Variants in GRB10 observed in about 807,000 individuals in gnomAD.
The protein encoded by GRB10 is growth factor receptor-bound protein 10.
A neutral mutation model predicts 80.9 loss-of-function variants in GRB10; 20 were observed. That is an observed-to-expected ratio of 0.25 (90% CI 0.17 to 0.36). The LOEUF is 0.36. Among genes scored for constraint, GRB10 ranks in the 10% least tolerant of loss-of-function variants. The pLI, the probability that GRB10 is intolerant of heterozygous loss-of-function variation, is 1.00. For missense variants in GRB10, 548 were observed against 747.7 expected, an observed-to-expected ratio of 0.73 and a Z score of 3.12; for synonymous variants, 291 against 291.5, an observed-to-expected ratio of 1.00 and a Z score of 0.02.
intron 5 of GRB10, 99 bp from the exon 6 acceptor site, chr7:50,674,757 T>G: frequency 1.0e-6 from 1 of 987,760 alleles, no homozygotes; most frequent in East Asian, 2.5e-5. Flanking sequence ...ACCTCAATCC[T>G]ATTTTTCAAA....
At chr7:50,767,594 C>T (rs1421336887) in intron 2 of GRB10, among the ~76,000 whole-genome samples, 1 of 152,190 alleles carries the variant, frequency 6.6e-6, no homozygotes, top group Non-Finnish European at 1.5e-5. Flanking sequence ...CACAGTATGG[C>T]AGCCCCCATG....
At chr7:50,695,616 T>C (rs973232865) in intron 5 of GRB10, among the ~76,000 whole-genome samples, 3 of 152,196 alleles carry the variant, frequency 2.0e-5, no homozygotes, top group Non-Finnish European at 2.9e-5. Context: ...TGAGTTCTAA[T>C]GGCTCCTTTT....
intron 2 of GRB10, among the ~76,000 whole-genome samples, chr7:50,774,493 T>C (rs898151768): frequency 6.6e-6 from 1 of 152,202 alleles, no homozygotes; most frequent in Admixed American, 6.5e-5. Flanking sequence ...TGCCCTCACA[T>C]GGCAGAATGC....
At chr7:50,718,218 G>A (rs1382677395) in intron 4 of GRB10, among the ~76,000 whole-genome samples, 17 of 152,234 alleles carry the variant, frequency 1.1e-4, no homozygotes, top group Non-Finnish European at 2.5e-4. Flanking sequence ...GTTCAAGGGA[G>A]AATTAACAGA....
chr7:50,749,404 C>G (rs549115775), intron 3 of GRB10, among the ~76,000 whole-genome samples: 1 of 152,214 alleles, frequency 6.6e-6, no homozygotes, highest in African/African-American at 2.4e-5. Flanking sequence ...GCTGGGATTA[C>G]AGGCATGAGC....
intron 2 of GRB10, among the ~76,000 whole-genome samples, chr7:50,780,154 A>C (rs1324975742): frequency 6.6e-6 from 1 of 152,200 alleles, no homozygotes; most frequent in Non-Finnish European, 1.5e-5. Context: ...ACAAATCAGA[A>C]TAAACCGTCA....
At chr7:50,760,194 T>G in intron 2 of GRB10, among the ~76,000 whole-genome samples, 1 of 152,132 alleles carries the variant, frequency 6.6e-6, no homozygotes, top group Non-Finnish European at 1.5e-5. Flanking sequence ...AGCAGAGCGG[T>G]GAGAGGCAGG....
rs76512901 is a variant in GRB10, at chr7:50,669,354, C to T, written c.504+368G>A. On this transcript the variant is annotated intron_variant, in intron 7 of 18. Transcript: ENST00000401949. ...GAAGGCAAAGCAGGAACTGGCGTCT[C>T]GCACAGCAGGAGTGGGAGCAAGGGG... is the stretch of plus-strand genomic sequence containing the variant. Among the ~76,000 whole-genome samples the T allele has an allele frequency of 2.2e-3, 328 of 152,270 alleles. 1 individual carries two copies. The highest frequency in any genetic ancestry group is 7.5e-3 in the African/African-American group (313 of 41,554).
intron 4 of GRB10, among the ~76,000 whole-genome samples, chr7:50,714,540 G>A (rs2153679592): frequency 6.6e-6 from 1 of 152,204 alleles, no homozygotes; most frequent in Admixed American, 6.5e-5. Context: ...GCGGGCGCCT[G>A]TAGTCCCAGC....
intron 4 of GRB10, among the ~76,000 whole-genome samples, chr7:50,704,913 G>A (rs17133982): frequency 0.01 from 1,569 of 152,162 alleles, 26 homozygotes; most frequent in African/African-American, 0.034. Context: ...TCTGGGTCTC[G>A]AACTACAGAG....
intron 3 of GRB10, among the ~76,000 whole-genome samples, chr7:50,742,881 T>C (rs1373614739): frequency 6.6e-6 from 1 of 152,128 alleles, no homozygotes; most frequent in Non-Finnish European, 1.5e-5. Flanking sequence ...TGAAGAATCA[T>C]ATCTCACTTC....
At chr7:50,707,708 A>AC (rs2065235681) in intron 4 of GRB10, among the ~76,000 whole-genome samples, 1 of 152,314 alleles carries the variant, frequency 6.6e-6, no homozygotes, top group Admixed American at 6.5e-5. Flanking sequence ...AAGACATGCT[A>AC]CCCCACGTAT....
At chr7:50,674,750 T>C (rs2060739026) in intron 5 of GRB10, 92 bp from the exon 6 acceptor site, 3 of 1,045,806 alleles carry the variant, frequency 2.9e-6, no homozygotes, top group Non-Finnish European at 4.3e-6. Context: ...GTTCCAAACC[T>C]CAATCCTATT....
At chr7:50,743,440 C>T (rs1034059567) in intron 3 of GRB10, among the ~76,000 whole-genome samples, 1 of 152,218 alleles carries the variant, frequency 6.6e-6, no homozygotes, top group Non-Finnish European at 1.5e-5. Flanking sequence ...GGTCAGATCA[C>T]GCAGTGCTGC....
At chr7:50,608,029 G>A (rs986653084) in intron 13 of GRB10, among the ~76,000 whole-genome samples, 3 of 152,138 alleles carry the variant, frequency 2.0e-5, no homozygotes, top group Admixed American at 6.6e-5. Flanking sequence ...ATACAGGAAC[G>A]ACTGCACTCC....
intron 7 of GRB10, among the ~76,000 whole-genome samples, chr7:50,639,803 C>G (rs891974884): frequency 5.9e-5 from 9 of 152,138 alleles, no homozygotes; most frequent in African/African-American, 9.7e-5. Context: ...TGTTTTATAC[C>G]AAGTAGACAG....
At chr7:50,643,406 C>A (rs1028117343) in intron 7 of GRB10, among the ~76,000 whole-genome samples, 9 of 152,190 alleles carry the variant, frequency 5.9e-5, no homozygotes, top group African/African-American at 2.2e-4. Flanking sequence ...AAACACCACA[C>A]AAACCAAAAT....
intron 2 of GRB10, among the ~76,000 whole-genome samples, chr7:50,757,195 C>T (rs999008194): frequency 2.0e-5 from 3 of 152,202 alleles, no homozygotes; most frequent in Non-Finnish European, 4.4e-5. Flanking sequence ...GATGCCACCC[C>T]TTAGCGGCTG....
At chr7:50,742,211 C>A (rs1000725858) in intron 3 of GRB10, among the ~76,000 whole-genome samples, 2 of 152,086 alleles carry the variant, frequency 1.3e-5, no homozygotes, top group Non-Finnish European at 2.9e-5. Flanking sequence ...TAATAACAGG[C>A]ACTTGGCTCA....
Sources: gnomAD v4.1 joint callset for allele counts (sites outside exome capture counted in the v4.1 genomes callset) on GRCh38, gnomAD v4.1.1 for gene constraint, MANE v1.5 for transcripts, NCBI Gene and HGNC (gene_info 2026-07-23, HGNC 2026-07-21) for gene names.